Variants in POTEH observed in about 807,000 individuals in gnomAD.
POTEH encodes the protein ANKRD26-like family C member 3.
In POTEH, 6 loss-of-function variants were observed where a neutral mutation model predicts 41.7. The ratio of observed to expected loss-of-function variants is 0.14; its 90% CI spans 0.08 to 0.28. The LOEUF (loss-of-function observed/expected upper bound fraction) is 0.28. Among genes scored for constraint, POTEH ranks in the 10% least tolerant of loss-of-function variants. The probability of loss-of-function intolerance (pLI) is 1.00; values close to 1 mark genes in which losing one functional copy is unlikely to be tolerated. For synonymous variants in POTEH, 38 were observed against 179.9 expected, an observed-to-expected ratio of 0.21 and a Z score of 6.31; for missense variants, 115 against 533.5, an observed-to-expected ratio of 0.22 and a Z score of 7.73.
chr22:15,697,940 T>G (rs1989466384), intron 3 of POTEH, among the ~76,000 whole-genome samples: 1 of 149,512 alleles, frequency 6.7e-6, no homozygotes. Context: ...AACTGTTTTT[T>G]ATCAATTGAA....
intron 1 of POTEH, among the ~76,000 whole-genome samples, chr22:15,691,345 A>G (rs1314151025): frequency 2.3e-5 from 3 of 128,868 alleles, no homozygotes; most frequent in African/African-American, 8.3e-5. Context: ...AACACGGTGA[A>G]ACCCCGTCTC....
chr22:15,718,839 ATC>A (rs1350107863), intron 9 of POTEH, among the ~76,000 whole-genome samples: 1 of 149,732 alleles, frequency 6.7e-6, no homozygotes, highest in South Asian at 2.1e-4. Context: ...TTTATTTCAC[ATC>A]TCTCTCTCAT....
intron 9 of POTEH, among the ~76,000 whole-genome samples, chr22:15,713,562 C>G (rs1157281910): frequency 6.6e-6 from 1 of 152,114 alleles, no homozygotes; most frequent in Admixed American, 6.5e-5. Context: ...TTCATTGGCA[C>G]GATCTTGGCT....
In POTEH at chr22:15,690,756, G is replaced by T; in HGVS notation, c.632+47G>T. 5 of 1,392,608 alleles carry T rather than the reference G, an allele frequency of 3.6e-6. 2 individuals are homozygous for T. Among genetic ancestry groups the T allele is most frequent in the Non-Finnish European group, 5.0e-6 (5 of 1,005,356 alleles). The allele number at this position is 1,392,608 out of a possible 1,614,324, so 86.3% of individuals were successfully genotyped here. On this transcript the variant is annotated intron_variant, in intron 1 of 10. Transcript: ENST00000343518. ...GGAGGTGGGATGTGGGAGGATGATG[G>T]GGACATACCCTCCTGGCCGGGGAGG...
intron 6 of POTEH, among the ~76,000 whole-genome samples, chr22:15,706,460 GATTT>G (rs1989675045): frequency 8.1e-6 from 1 of 122,888 alleles, no homozygotes; most frequent in African/African-American, 3.2e-5. Flanking sequence ...AATCTTTACT[GATTT>G]ATTATAATTT....
Position 15,690,102 on chromosome 22 carries a change from C to T in POTEH, c.25C>T (p.Pro9Ser), listed in dbSNP as rs757604082. The change falls in exon 1 of 11, where the codon CCG becomes TCG. Residue 9 changes from proline (P) to serine (S), a missense_variant. By Grantham distance (74) the Pro-to-Ser change is moderately conservative (BLOSUM62 -1). Coordinates refer to ENST00000343518, the MANE Select transcript of POTEH (RefSeq NM_001136213.1). ...GATGGTGGCTGAGGCTGGTTCAATG[C>T]CGGCTGCCTCCTCTGTGAAGAAGCC... Reference protein sequence around the residue: MVAEAGSMPAASSVKKPFG... With the variant: MVAEAGSMSAASSVKKPFG... 5.7e-6 allele frequency: 8 copies of T among 1,406,620 alleles called. 3 individuals are homozygous for T. The highest frequency in any genetic ancestry group is 7.9e-6 in the Non-Finnish European group (8 of 1,013,702). 87.1% of individuals were successfully genotyped at this position (1,406,620 alleles called of 1,614,324 possible).
intron 7 of POTEH, among the ~76,000 whole-genome samples, chr22:15,708,513 CAAAAAAAAAAAA>C (rs1165699401): frequency 5.5e-4 from 4 of 7,240 alleles, no homozygotes; most frequent in Admixed American, 2.0e-3. Flanking sequence ...GACTCTGTGT[CAAAAAAAAAAAA>C]AAAAAAAAAA....
At chr22:15,714,284 C>G (rs1364254829) in intron 9 of POTEH, among the ~76,000 whole-genome samples, 1 of 152,216 alleles carries the variant, frequency 6.6e-6, no homozygotes, top group Non-Finnish European at 1.5e-5. Context: ...CCCCTTTCAT[C>G]AATTCTTAAC....
At chr22:15,692,942 C>G (rs1229240193) in intron 1 of POTEH, among the ~76,000 whole-genome samples, 2 of 124,132 alleles carry the variant, frequency 1.6e-5, no homozygotes, top group African/African-American at 2.9e-5. Context: ...ATATCTTCAC[C>G]AAATAGATGT....
At chr22:15,714,156 G>A (rs1210762767) in intron 9 of POTEH, among the ~76,000 whole-genome samples, 6 of 149,924 alleles carry the variant, frequency 4.0e-5, no homozygotes, top group African/African-American at 5.0e-5. Flanking sequence ...ATCTCGTCAG[G>A]TCTACCTGAA....
chr22:15,710,532 C>G (rs1465944943), intron 8 of POTEH, among the ~76,000 whole-genome samples: 1 of 152,244 alleles, frequency 6.6e-6, no homozygotes, highest in African/African-American at 2.4e-5. Flanking sequence ...TCCCACCAGT[C>G]AAATGGGGGT....
At chr22:15,713,464 T>C (rs1203336239) in intron 9 of POTEH, among the ~76,000 whole-genome samples, 1 of 152,306 alleles carries the variant, frequency 6.6e-6, no homozygotes, top group African/African-American at 2.4e-5. Context: ...TGGACATTGC[T>C]GTTTCTCATG....
chr22:15,691,625 C>A (rs1416757055), intron 1 of POTEH, among the ~76,000 whole-genome samples: 2 of 143,204 alleles, frequency 1.4e-5, no homozygotes, highest in African/African-American at 5.0e-5. Context: ...CACATGCTGT[C>A]TTTTATTATT....
intron 9 of POTEH, among the ~76,000 whole-genome samples, chr22:15,712,973 A>C (rs1301578916): frequency 6.6e-6 from 1 of 150,872 alleles, no homozygotes; most frequent in East Asian, 2.0e-4. Context: ...CATGTGTATA[A>C]TTTTTATAAC....
chr22:15,692,075 A>G (rs76548004), intron 1 of POTEH, among the ~76,000 whole-genome samples: 25,915 of 102,244 alleles, frequency 0.25, 2,618 homozygotes, highest in African/African-American at 0.33. Flanking sequence ...GTGCGATCTC[A>G]GCTCACTGCA....
intron 9 of POTEH, among the ~76,000 whole-genome samples, chr22:15,717,345 C>A (rs1208788458): frequency 1.1e-5 from 1 of 93,072 alleles, no homozygotes; most frequent in African/African-American, 3.3e-5. Context: ...ATGGTAGGAT[C>A]TATTTTTAGT....
At position 15,691,545 on chromosome 22, in the gene POTEH, A is replaced by AAT. The variant is rs1356445342; in HGVS notation, c.632+836_632+837insAT. ...CGTCTCAAAAAAAAAAAAAAAAAAA[A>AAT]GTGAGCTTTTTCTATTTATCACTTT... On this transcript the variant is annotated intron_variant, in intron 1 of 10. Coordinates refer to ENST00000343518, the MANE Select transcript of POTEH (RefSeq NM_001136213.1). Among the ~76,000 whole-genome samples the AAT allele has an allele frequency of 1.5e-5, 2 of 133,634 alleles. 1 individual carries two copies. The highest frequency in any genetic ancestry group is 3.4e-5 in the Non-Finnish European group (2 of 59,450). 87.7% of individuals were successfully genotyped at this position (133,634 alleles called of 152,430 possible). A position where few individuals can be genotyped will look rare whatever the true frequency, so the allele number is the denominator to read the frequency against.
intron 1 of POTEH, among the ~76,000 whole-genome samples, chr22:15,693,222 G>C (rs1373201371): frequency 1.4e-5 from 2 of 147,138 alleles, no homozygotes; most frequent in Non-Finnish European, 3.0e-5. Flanking sequence ...CTGGGGATTT[G>C]TAAATGAAGT....
chr22:15,714,490 ACTT>A (rs1371865968), intron 9 of POTEH, among the ~76,000 whole-genome samples: 1 of 151,982 alleles, frequency 6.6e-6, no homozygotes, highest in African/African-American at 2.4e-5. Flanking sequence ...GCCACACTGA[ACTT>A]CTTGCTATTC....
Sources: gnomAD v4.1 joint callset for allele counts (sites outside exome capture counted in the v4.1 genomes callset) on GRCh38, gnomAD v4.1.1 for gene constraint, MANE v1.5 for transcripts, NCBI Gene and HGNC (gene_info 2026-07-23, HGNC 2026-07-21) for gene names.